Variants in TNFAIP8L3 observed in about 807,000 individuals in gnomAD.
TNFAIP8L3 encodes the protein TNF alpha induced protein 8 like 3.
A neutral mutation model predicts 11.8 loss-of-function variants in TNFAIP8L3; 7 were observed. That is an observed-to-expected ratio of 0.59 (90% CI 0.34 to 1.11). TNFAIP8L3 has a LOEUF of 1.11. TNFAIP8L3 is among the 50% of genes most tolerant of loss of function. The pLI, the probability that TNFAIP8L3 is intolerant of heterozygous loss-of-function variation, is 0.03. For missense variants in TNFAIP8L3, 219 were observed against 258.6 expected (o/e 0.85, Z 1.05); for synonymous variants, 98 against 103.8 (o/e 0.94, Z 0.34).
At chr15:51,072,345 G>A (rs1481632030) in intron 1 of TNFAIP8L3, among the ~76,000 whole-genome samples, 1 of 152,086 alleles carries the variant, frequency 6.6e-6, no homozygotes, top group Non-Finnish European at 1.5e-5. Flanking sequence ...TCTCTATGTT[G>A]GTCAGGCTGA....
rs1436879570 is a variant in TNFAIP8L3, at chr15:51,058,299, T to C, written c.197A>G (p.Glu66Gly). The C allele has an allele frequency of 1.9e-6, 3 of 1,614,224 alleles. No homozygotes were observed. The South Asian group carries it at 3.3e-5, about 18-fold the overall frequency. Residue 66 changes from glutamate to glycine, a missense_variant, in exon 2 of 2, where the codon GAG becomes GGG. Transcript: ENST00000637513. Reference sequence around the variant, plus strand: ...GGCTTCCTTCTTGTTGTGTGTGTGCTCTTTGGTGACTTTGTAGAGCTCATC... The same window carrying C: ...GGCTTCCTTCTTGTTGTGTGTGTGCCCTTTGGTGACTTTGTAGAGCTCATC... ...IFDELYKVTKEHTHNKKEAHK... is the reference protein window; with the variant it reads ...IFDELYKVTKGHTHNKKEAHK...
intron 1 of TNFAIP8L3, among the ~76,000 whole-genome samples, chr15:51,071,929 G>A (rs542183554): frequency 6.6e-6 from 1 of 152,290 alleles, no homozygotes; most frequent in South Asian, 2.1e-4. Context: ...GAGAGTCAAT[G>A]TATTTGTGTT....
chr15:51,069,032 G>C (rs2065290867), intron 1 of TNFAIP8L3, among the ~76,000 whole-genome samples: 1 of 152,128 alleles, frequency 6.6e-6, no homozygotes, highest in Admixed American at 6.5e-5. Flanking sequence ...GGCAGGCTTG[G>C]GTGCAATAGG....
intron 1 of TNFAIP8L3, among the ~76,000 whole-genome samples, chr15:51,072,294 C>T (rs527700746): frequency 2.6e-5 from 4 of 152,290 alleles, no homozygotes; most frequent in African/African-American, 7.2e-5. Flanking sequence ...GCATGCACCA[C>T]CATGCCCGGC....
chr15:51,097,458 G>A (rs1383097536), upstream of TNFAIP8L3, among the ~76,000 whole-genome samples: 1 of 152,160 alleles, frequency 6.6e-6, no homozygotes, highest in East Asian at 1.9e-4. Context: ...TTTGAGTGAA[G>A]TTCTTAGATA....
At chr15:51,090,124 G>C (rs1185133727) in intron 1 of TNFAIP8L3, among the ~76,000 whole-genome samples, 1 of 152,190 alleles carries the variant, frequency 6.6e-6, no homozygotes. Flanking sequence ...GAAGGAAGAG[G>C]CAGCGTCTGT....
intron 1 of TNFAIP8L3, among the ~76,000 whole-genome samples, chr15:51,089,361 G>A (rs879672170): frequency 1.3e-5 from 2 of 152,144 alleles, no homozygotes; most frequent in African/African-American, 2.4e-5. Flanking sequence ...CTAACTAACA[G>A]TCCAGCACAG....
At chr15:51,074,899 AC>A (rs1282641023) in intron 1 of TNFAIP8L3, among the ~76,000 whole-genome samples, 4 of 152,112 alleles carry the variant, frequency 2.6e-5, no homozygotes, top group Admixed American at 2.6e-4. Flanking sequence ...GCTGGCCCTC[AC>A]ACCTAGCTCA....
intron 1 of TNFAIP8L3, among the ~76,000 whole-genome samples, chr15:51,075,934 C>T (rs937855292): frequency 6.6e-6 from 1 of 152,036 alleles, no homozygotes; most frequent in African/African-American, 2.4e-5. Flanking sequence ...TCAGAACACA[C>T]GAGGGAGAAG....
chr15:51,085,218 T>C (rs1391147886), intron 1 of TNFAIP8L3, among the ~76,000 whole-genome samples: 1 of 152,142 alleles, frequency 6.6e-6, no homozygotes, highest in Non-Finnish European at 1.5e-5. Flanking sequence ...TAAAGAAAGA[T>C]AAAATGTAAT....
chr15:51,094,820 G>T lies in TNFAIP8L3; in HGVS notation c.-225C>A. On this transcript the variant is annotated 5_prime_UTR_variant, in exon 1 of 2. Coordinates refer to ENST00000637513, the MANE Select transcript of TNFAIP8L3 (RefSeq NM_001311175.2). The surrounding 1 kb of genome is among the most constrained non-coding windows in gnomAD (Gnocchi z 4.4). ...GCCGGCCGGTGCCTGCGCGCGAGGC[G>T]AGCGCAGGGCGGAGGGTGGGGCGCT... The T allele has an allele frequency of 1.8e-6, 1 of 551,342 alleles. No individual in the cohort carries two copies. Among genetic ancestry groups the T allele is most frequent in the Non-Finnish European group, 2.3e-6 (1 of 435,238 alleles). The allele number at this position is 551,342 out of a possible 1,614,324, so 34.2% of individuals were successfully genotyped here.
At chr15:51,082,222 C>T (rs2065397686) in intron 1 of TNFAIP8L3, among the ~76,000 whole-genome samples, 1 of 152,058 alleles carries the variant, frequency 6.6e-6, no homozygotes, top group South Asian at 2.1e-4. Context: ...CCCACTACCA[C>T]CTAGGCTATA....
chr15:51,093,901 C>T (rs2065490571), intron 1 of TNFAIP8L3, among the ~76,000 whole-genome samples: 1 of 152,180 alleles, frequency 6.6e-6, no homozygotes, highest in Non-Finnish European at 1.5e-5. Context: ...TTGTGAAAAG[C>T]CGGCGGGGCC....
intron 1 of TNFAIP8L3, among the ~76,000 whole-genome samples, chr15:51,062,655 G>A (rs2065248481): frequency 6.6e-6 from 1 of 151,990 alleles, no homozygotes; most frequent in African/African-American, 2.4e-5. Context: ...GTGTTCCTTG[G>A]GATGAAAAGA....
chr15:51,083,316 G>A (rs1018489668), intron 1 of TNFAIP8L3, among the ~76,000 whole-genome samples: 1 of 152,100 alleles, frequency 6.6e-6, no homozygotes. Flanking sequence ...CGGTGGTGGT[G>A]GCAGACCAAT....
intron 1 of TNFAIP8L3, among the ~76,000 whole-genome samples, chr15:51,085,819 A>G (rs1023505565): frequency 6.6e-6 from 1 of 152,018 alleles, no homozygotes; most frequent in African/African-American, 2.4e-5. Flanking sequence ...ATCTTTTTCA[A>G]ATTGCTTTTG....
intron 1 of TNFAIP8L3, among the ~76,000 whole-genome samples, chr15:51,067,736 T>C (rs2065281447): frequency 6.6e-6 from 1 of 152,212 alleles, no homozygotes; most frequent in Non-Finnish European, 1.5e-5. Context: ...TATTACTTCA[T>C]TCTAACTAAA....
upstream of TNFAIP8L3, among the ~76,000 whole-genome samples, chr15:51,099,826 T>G (rs966873632): frequency 2.0e-5 from 3 of 152,170 alleles, no homozygotes; most frequent in Admixed American, 2.0e-4. Flanking sequence ...CCCATGAGGT[T>G]TCAGCGGCAA....
chr15:51,098,902 G>A (rs1419366087), upstream of TNFAIP8L3, among the ~76,000 whole-genome samples: 1 of 152,122 alleles, frequency 6.6e-6, no homozygotes, highest in Non-Finnish European at 1.5e-5. Flanking sequence ...ATCCTCTATT[G>A]TTGAGCAGTT....
Sources: gnomAD v4.1 joint callset for allele counts (sites outside exome capture counted in the v4.1 genomes callset) on GRCh38, gnomAD v4.1.1 for gene constraint, Gnocchi (gnomAD v3.1) non-coding constraint, MANE v1.5 for transcripts, NCBI Gene and HGNC (gene_info 2026-07-23, HGNC 2026-07-21) for gene names.